RGS7: variants seen among roughly 807,000 people sequenced by gnomAD.
The protein encoded by RGS7 is regulator of G protein signaling 7, also known as regulator of G-protein signaling 7.
RGS7 carries 27 observed loss-of-function variants against 81.1 expected under a neutral mutation model. The ratio of observed to expected loss-of-function variants is 0.33; its 90% CI spans 0.25 to 0.46. The LOEUF is 0.46. Ranked by LOEUF, RGS7 falls within the 20% of genes least tolerant of loss-of-function variation. The pLI, the probability that RGS7 is intolerant of heterozygous loss-of-function variation, is 1.00. For synonymous variants in RGS7, 208 were observed against 207.7 expected, an observed-to-expected ratio of 1.00 and a Z score of -0.01; for missense variants, 396 against 607.4, an observed-to-expected ratio of 0.65 and a Z score of 3.66.
rs200821202 is a variant in RGS7 at position 241,137,207 on chromosome 1, A to AT, written c.79-38446dup. Among the ~76,000 whole-genome samples, 33 of 150,224 alleles carry AT rather than the reference A, an allele frequency of 2.2e-4. 1 individual carries two copies. In the South Asian group the frequency reaches 2.7e-3, roughly 13 times the overall value. ...CTATCAAAGACCGTATTTTATTGGC[A>AT]TTTTTTTTTCCTTTTCTTTCTCTCC... On this transcript the variant is annotated intron_variant, in intron 2 of 18. Coordinates refer to ENST00000440928, the MANE Select transcript of RGS7 (RefSeq NM_001364886.1).
intron 18 of RGS7, among the ~76,000 whole-genome samples, chr1:240,780,880 C>T (rs1683912911): frequency 6.9e-6 from 1 of 145,688 alleles, no homozygotes; most frequent in African/African-American, 2.6e-5. Flanking sequence ...CACCACTGCA[C>T]TCCAACCTGG....
intron 18 of RGS7, among the ~76,000 whole-genome samples, chr1:240,787,889 T>A (rs951363988): frequency 6.6e-6 from 1 of 152,174 alleles, no homozygotes; most frequent in Non-Finnish European, 1.5e-5. Context: ...CCAAATGACA[T>A]TACATGTTGC....
chr1:241,138,962 C>T (rs533411181), intron 2 of RGS7, among the ~76,000 whole-genome samples: 2 of 152,188 alleles, frequency 1.3e-5, no homozygotes, highest in African/African-American at 4.8e-5. Context: ...CCAGGACCAA[C>T]GAGAAGGGAG....
chr1:241,039,002 A>G (rs1188887352), intron 3 of RGS7, among the ~76,000 whole-genome samples: 1 of 152,058 alleles, frequency 6.6e-6, no homozygotes, highest in African/African-American at 2.4e-5. Context: ...AAGGAAAAGA[A>G]AAAAGAATGA....
intron 9 of RGS7, among the ~76,000 whole-genome samples, chr1:240,833,394 T>C (rs1254893375): frequency 6.6e-6 from 1 of 152,178 alleles, no homozygotes; most frequent in Non-Finnish European, 1.5e-5. Flanking sequence ...TGGACTGCAG[T>C]TGACTGTGGG....
intron 2 of RGS7, among the ~76,000 whole-genome samples, chr1:241,113,395 G>A (rs2065666761): frequency 6.6e-6 from 1 of 152,126 alleles, no homozygotes; most frequent in African/African-American, 2.4e-5. Context: ...GAGACACCTA[G>A]GTAGTTTGAA....
chr1:241,270,026 T>G (rs1448788901), intron 2 of RGS7, among the ~76,000 whole-genome samples: 1 of 152,186 alleles, frequency 6.6e-6, no homozygotes, highest in Non-Finnish European at 1.5e-5. Context: ...CAGATATATG[T>G]TTTTAAGAAT....
At chr1:241,003,024 G>A (rs1307716790) in intron 3 of RGS7, among the ~76,000 whole-genome samples, 1 of 152,100 alleles carries the variant, frequency 6.6e-6, no homozygotes, top group African/African-American at 2.4e-5. Context: ...TAAATTTATA[G>A]TTATTACTTT....
intron 2 of RGS7, among the ~76,000 whole-genome samples, chr1:241,214,325 C>T (rs1301958109): frequency 1.3e-5 from 2 of 152,078 alleles, no homozygotes; most frequent in African/African-American, 4.8e-5. Context: ...GCCCTAGAAA[C>T]TTATCATTCC....
intron 6 of RGS7, among the ~76,000 whole-genome samples, chr1:240,906,668 A>G (rs559400732): frequency 2.0e-5 from 3 of 152,348 alleles, no homozygotes; most frequent in South Asian, 2.1e-4. Flanking sequence ...TGCTTTTATT[A>G]TAACAGCTGG....
chr1:241,220,812 A>C (rs2686237), intron 2 of RGS7, among the ~76,000 whole-genome samples: 1 of 151,768 alleles, frequency 6.6e-6, no homozygotes, highest in Admixed American at 6.6e-5. Flanking sequence ...ATGCAGGAAG[A>C]CTGGCTTGAG....
chr1:241,031,914 A>C (rs1479155584), intron 3 of RGS7, among the ~76,000 whole-genome samples: 1 of 152,188 alleles, frequency 6.6e-6, no homozygotes, highest in Non-Finnish European at 1.5e-5. Context: ...ACTTTCTTCT[A>C]TTCTTCAGGC....
chr1:241,065,918 A>T (rs2062034064), intron 3 of RGS7, among the ~76,000 whole-genome samples: 1 of 152,196 alleles, frequency 6.6e-6, no homozygotes, highest in Non-Finnish European at 1.5e-5. Flanking sequence ...TGTACTTAGA[A>T]CAATACCTGG....
chr1:241,083,229 A>G, intron 3 of RGS7, among the ~76,000 whole-genome samples: 1 of 148,646 alleles, frequency 6.7e-6, no homozygotes, highest in East Asian at 1.9e-4. Context: ...CTGTCTCAAA[A>G]AAAAAAAAAA....
intron 9 of RGS7, among the ~76,000 whole-genome samples, chr1:240,862,137 GT>G (rs1662325330): frequency 6.6e-6 from 1 of 151,918 alleles, no homozygotes; most frequent in Admixed American, 6.6e-5. Context: ...CCTTTTTAGT[GT>G]TATGACCTTA....
chr1:241,194,817 A>C (rs1010036824), intron 2 of RGS7, among the ~76,000 whole-genome samples: 1 of 152,198 alleles, frequency 6.6e-6, no homozygotes, highest in African/African-American at 2.4e-5. Context: ...GCAGTTACTA[A>C]AGGCTTGGAG....
Position 240,869,003 on chromosome 1 carries a change from G to GAATTCAGC in RGS7, c.451-159_451-152dup, listed in dbSNP as rs956063196. 9.4e-6 allele frequency: 7 copies of GAATTCAGC among 741,702 alleles called. No homozygotes were observed. The African/African-American group carries it at 1.2e-4, about 13-fold the overall frequency. The allele number at this position is 741,702 out of a possible 1,614,324, so 45.9% of individuals were successfully genotyped here. A position where few individuals can be genotyped will look rare whatever the true frequency, so the allele number is the denominator to read the frequency against. On this transcript the variant is annotated intron_variant, in intron 7 of 18. Transcript: ENST00000440928. The stretch of plus-strand genomic sequence containing the variant: ...TTCTCAATGATAAGTCATGCTCCCT[G>GAATTCAGC]AATTCAGCTCATCTTCATATTGGCA...
At chr1:240,888,865 A>T (rs1321719375) in intron 6 of RGS7, among the ~76,000 whole-genome samples, 1 of 152,130 alleles carries the variant, frequency 6.6e-6, no homozygotes, top group East Asian at 1.9e-4. Context: ...GGGAACGCGG[A>T]GGCAGAGAGA....
At chr1:241,259,214 T>C (rs2077186497) in intron 2 of RGS7, among the ~76,000 whole-genome samples, 1 of 152,182 alleles carries the variant, frequency 6.6e-6, no homozygotes. Flanking sequence ...CAGCAAATAA[T>C]GTGGCACTAT....
Sources: gnomAD v4.1 joint callset for allele counts (sites outside exome capture counted in the v4.1 genomes callset) on GRCh38, gnomAD v4.1.1 for gene constraint, MANE v1.5 for transcripts, NCBI Gene and HGNC (gene_info 2026-07-23, HGNC 2026-07-21) for gene names.